The following GEMIN5 variants were observed in gnomAD, a reference collection of about 807,000 sequenced individuals.
The protein encoded by GEMIN5 is gem nuclear organelle associated protein 5.
A neutral mutation model predicts 176.9 loss-of-function variants in GEMIN5; 124 were observed. The ratio of observed to expected loss-of-function variants is 0.70; its 90% CI spans 0.61 to 0.81. The LOEUF (loss-of-function observed/expected upper bound fraction) is 0.81. Ranked by LOEUF, GEMIN5 falls within the 40% of genes least tolerant of loss-of-function variation. The pLI is 0.00. For missense variants in GEMIN5, 1,843 were observed against 1,814.6 expected, an observed-to-expected ratio of 1.02 and a Z score of -0.28; for synonymous variants, 673 against 665.2, an observed-to-expected ratio of 1.01 and a Z score of -0.18.
chr5:154,931,032 A>G (rs142230460), intron 5 of GEMIN5, among the ~76,000 whole-genome samples: 2 of 152,380 alleles, frequency 1.3e-5, no homozygotes, highest in African/African-American at 4.8e-5. Context: ...GAGGGGCTCT[A>G]TAATTTGGAT....
At chr5:154,928,690 T>G in intron 5 of GEMIN5, 31 bp from the exon 6 acceptor site, 1 of 1,610,314 alleles carries the variant, frequency 6.2e-7, no homozygotes, top group Non-Finnish European at 8.5e-7. Context: ...CAGTGGGCAC[T>G]CAAGACAGTG....
chr5:154,896,690 C>T (rs894050400), intron 23 of GEMIN5, among the ~76,000 whole-genome samples: 4 of 152,214 alleles, frequency 2.6e-5, no homozygotes, highest in Non-Finnish European at 5.9e-5. Flanking sequence ...CTGGGCTCAT[C>T]AGGTTCTTTC....
At chr5:154,924,638 C>T in intron 8 of GEMIN5, 84 bp from the exon 9 acceptor site, 2 of 812,298 alleles carry the variant, frequency 2.5e-6, no homozygotes, top group Non-Finnish European at 4.1e-6. Context: ...TTTAAGCATC[C>T]AAAGGGAAAA....
Position 154,938,127 on chromosome 5 carries a change from G to A in GEMIN5, c.7C>T (p.Gln3Ter). The A allele has an allele frequency of 3.6e-6, 5 of 1,389,950 alleles. No homozygotes were observed. Among genetic ancestry groups the A allele is most frequent in the Non-Finnish European group, 4.7e-6 (5 of 1,067,380 alleles). The allele number at this position is 1,389,950 out of a possible 1,614,324, so 86.1% of individuals were successfully genotyped here. MG[Q>*]EPRTLPPSPN... ...GAGGGCGGCAGCGTCCGCGGCTCCT[G>A]CCCCATAACTACAAGCCGTCAGAGA... The change falls in exon 1 of 28, where the codon CAG becomes TAG. Residue 3 changes from glutamine (Q) to a stop codon, truncating the protein, a stop_gained. Transcript: ENST00000285873. LOFTEE classifies it high-confidence loss of function.
rs187542130 is a variant in GEMIN5 at position 154,931,460 on chromosome 5, C to G, written c.779G>C (p.Arg260Pro). ...TIRIWSCSRGRGVMILKLPFL... is the reference protein window; with the variant it reads ...TIRIWSCSRGPGVMILKLPFL... ...CACAAAAGAAAGATCAATCTTACCT[C>G]GGCCTCTAGAACAGCTCCAGATTCG... The change falls in exon 5 of 28, where the codon CGA (arginine) becomes CCA (proline). Residue 260 changes from arginine to proline, a missense_variant and splice_region_variant. Physicochemically the swap from Arg to Pro is moderately radical, Grantham distance 103. Coordinates refer to ENST00000285873, the MANE Select transcript of GEMIN5 (RefSeq NM_015465.5). 4 of 1,605,180 alleles carry G rather than the reference C, an allele frequency of 2.5e-6. No homozygotes were observed. In the Admixed American group the frequency reaches 5.1e-5, roughly 20 times the overall value.
Position 154,901,744 on chromosome 5 carries a change from A to G in GEMIN5, c.2867-258T>C, listed in dbSNP as rs150581460. Among the ~76,000 whole-genome samples, 522 of 152,316 alleles carry G rather than the reference A, an allele frequency of 3.4e-3. 3 individuals are homozygous for G. Among genetic ancestry groups the G allele is most frequent in the African/African-American group, 0.012 (506 of 41,572 alleles). On this transcript the variant is annotated intron_variant, in intron 20 of 27. Coordinates refer to ENST00000285873, the MANE Select transcript of GEMIN5 (RefSeq NM_015465.5). ...AATGTGTGAGCACAGTTAAATTCCT[A>G]TAATCATAACTGATGAGCCAAAGGT... is the stretch of plus-strand genomic sequence containing the variant.
At chr5:154,895,967 GCC>G in intron 24 of GEMIN5, 123 bp downstream of exon 24, 1 of 1,065,260 alleles carries the variant, frequency 9.4e-7, no homozygotes, top group South Asian at 1.5e-5. Flanking sequence ...AGGTGGCGTG[GCC>G]ATGCCTTAGC....
intron 4 of GEMIN5, 108 bp downstream of exon 4, chr5:154,931,991 G>T: frequency 1.1e-6 from 1 of 945,430 alleles, no homozygotes; most frequent in Non-Finnish European, 1.6e-6. Flanking sequence ...GGCAACAAAA[G>T]CAAAACTCCG....
chr5:154,923,741 A>G (rs1199965274), intron 9 of GEMIN5, among the ~76,000 whole-genome samples: 2 of 152,234 alleles, frequency 1.3e-5, no homozygotes, highest in East Asian at 3.8e-4. Context: ...GTGTTGTTCA[A>G]TAAGGTAGCC....
chr5:154,911,905 C>G lies in GEMIN5; in HGVS notation c.1996-7G>C. The G allele has an allele frequency of 1.2e-6, 2 of 1,610,852 alleles. No homozygotes were observed. On this transcript the variant is annotated splice_region_variant and splice_polypyrimidine_tract_variant and intron_variant, in intron 14 of 27. Coordinates refer to ENST00000285873, the MANE Select transcript of GEMIN5 (RefSeq NM_015465.5). ...CCCGGAGAGCATCCCACACCTAAACCCAAAAGCACATGGCCGAAAAGACAT... is the reference window on the plus strand; with the variant it reads ...CCCGGAGAGCATCCCACACCTAAACGCAAAAGCACATGGCCGAAAAGACAT...
chr5:154,913,082 C>CA (rs763869890), intron 13 of GEMIN5, 44 bp from the exon 14 acceptor site: 8 of 1,514,956 alleles, frequency 5.3e-6, no homozygotes, highest in Non-Finnish European at 5.4e-6. Flanking sequence ...CTACTAATAA[C>CA]AAAAAACAAA....
intron 20 of GEMIN5, among the ~76,000 whole-genome samples, chr5:154,902,206 C>T (rs906826138): frequency 2.6e-5 from 4 of 152,010 alleles, no homozygotes; most frequent in East Asian, 3.9e-4. Flanking sequence ...TAGGTCTGAA[C>T]GCCTAGCCTT....
intron 17 of GEMIN5, among the ~76,000 whole-genome samples, chr5:154,905,109 G>A (rs1174529839): frequency 1.3e-5 from 2 of 152,148 alleles, no homozygotes; most frequent in Admixed American, 6.5e-5. Context: ...CAGGAGGATC[G>A]CTTGAGCCCG....
At position 154,911,777 on chromosome 5, in the gene GEMIN5, CAA is replaced by C; in HGVS notation, c.2115_2116del (p.Phe705LeufsTer23). On this transcript the variant is annotated frameshift_variant, in exon 15 of 28. Transcript: ENST00000285873. LOFTEE classifies it high-confidence loss of function. Reference sequence around the variant, plus strand: ...CATGGAAGTGAGCCACTTGTGCACACAAAAGTCATCTGCCCCTGAATAGATGC... The same window carrying C: ...CATGGAAGTGAGCCACTTGTGCACACAAGTCATCTGCCCCTGAATAGATGC... 2 of 1,614,084 alleles carry C rather than the reference CAA, an allele frequency of 1.2e-6. No homozygotes were observed. The highest frequency in any genetic ancestry group is 1.7e-6 in the Non-Finnish European group (2 of 1,179,952).
chr5:154,916,730 A>G (rs572479050), intron 13 of GEMIN5, among the ~76,000 whole-genome samples: 105 of 152,224 alleles, frequency 6.9e-4, no homozygotes, highest in African/African-American at 2.5e-3. Context: ...CCTGGCCACA[A>G]ATAATCTTCT....
In GEMIN5 at chr5:154,938,154, A is replaced by G; in HGVS notation, c.-21T>C. 1 of 1,354,900 alleles carries G rather than the reference A, an allele frequency of 7.4e-7. No individual in the cohort carries two copies. The highest frequency in any genetic ancestry group is 9.6e-7 in the Non-Finnish European group (1 of 1,046,636). 83.9% of individuals were successfully genotyped at this position (1,354,900 alleles called of 1,614,324 possible). A position where few individuals can be genotyped will look rare whatever the true frequency, so the allele number is the denominator to read the frequency against. On this transcript the variant is annotated 5_prime_UTR_variant, in exon 1 of 28. Transcript: ENST00000285873. Reference sequence around the variant, plus strand: ...CCCATAACTACAAGCCGTCAGAGACAAGAGAAGCTGCCACAGCCGACCGCT... The same window carrying G: ...CCCATAACTACAAGCCGTCAGAGACGAGAGAAGCTGCCACAGCCGACCGCT...
intron 25 of GEMIN5, 128 bp from the exon 26 acceptor site, chr5:154,891,870 T>C (rs1763238153): frequency 1.1e-6 from 1 of 887,688 alleles, no homozygotes; most frequent in Non-Finnish European, 1.7e-6. Context: ...AACAGTGTGA[T>C]CCACCGGGCC....
intron 25 of GEMIN5, 145 bp downstream of exon 25, chr5:154,892,242 G>T: frequency 1.5e-6 from 1 of 677,190 alleles, no homozygotes; most frequent in Non-Finnish European, 2.5e-6. Context: ...AAAAGCTTCG[G>T]TAAGAGAATC....
At chr5:154,894,235 A>G (rs760138514) in intron 24 of GEMIN5, among the ~76,000 whole-genome samples, 4 of 151,994 alleles carry the variant, frequency 2.6e-5, no homozygotes, top group Non-Finnish European at 5.9e-5. Flanking sequence ...GTGAGCCACC[A>G]AGACTGGCCC....
Sources: gnomAD v4.1 joint callset for allele counts (sites outside exome capture counted in the v4.1 genomes callset) on GRCh38, gnomAD v4.1.1 for gene constraint, MANE v1.5 for transcripts, NCBI Gene and HGNC (gene_info 2026-07-23, HGNC 2026-07-21) for gene names.